The following SAMMSON variants were observed in gnomAD, a reference collection of about 807,000 sequenced individuals.
SAMMSON encodes long intergenic non-protein coding RNA 1212.
intron 9 of SAMMSON, among the ~76,000 whole-genome samples, chr3:70,369,611 CT>C (rs913801367): frequency 2.0e-5 from 3 of 151,048 alleles, no homozygotes; most frequent in African/African-American, 7.3e-5. Context: ...TGTTCCTGAT[CT>C]TAGGGGAAAA....
chr3:70,250,521 T>C (rs981090227), intron 6 of SAMMSON, among the ~76,000 whole-genome samples: 1 of 152,066 alleles, frequency 6.6e-6, no homozygotes, highest in African/African-American at 2.4e-5. Flanking sequence ...AGCTTTTAGA[T>C]AAATATTTTC....
chr3:70,016,828 A>T (rs2066988163), intron 3 of SAMMSON, among the ~76,000 whole-genome samples: 1 of 152,136 alleles, frequency 6.6e-6, no homozygotes, highest in South Asian at 2.1e-4. Context: ...TCCCAGCACC[A>T]TTTATTAAAT....
chr3:70,310,825 T>C (rs528345333), intron 7 of SAMMSON, among the ~76,000 whole-genome samples: 3 of 152,218 alleles, frequency 2.0e-5, no homozygotes, highest in Non-Finnish European at 4.4e-5. Flanking sequence ...TTTTTTTTCT[T>C]TGGAACATGA....
intron 7 of SAMMSON, among the ~76,000 whole-genome samples, chr3:70,348,242 T>G (rs373994746): frequency 6.6e-6 from 1 of 152,080 alleles, no homozygotes; most frequent in African/African-American, 2.4e-5. Context: ...AATGTGAGAT[T>G]TGATCATGCC....
Position 70,267,576 on chromosome 3 carries a change from G to GT in SAMMSON, n.674+17907dup, listed in dbSNP as rs1179669063. Among the ~76,000 whole-genome samples the GT allele has an allele frequency of 5.4e-3, 532 of 98,616 alleles. 7 individuals are homozygous for GT. The highest frequency in any genetic ancestry group is 0.023 in the African/African-American group (517 of 22,944). 64.7% of individuals were successfully genotyped at this position (98,616 alleles called of 152,430 possible). A position where few individuals can be genotyped will look rare whatever the true frequency, so the allele number is the denominator to read the frequency against. On this transcript the variant is annotated intron_variant and non_coding_transcript_variant, in intron 6 of 9. Coordinates refer to ENST00000642114, the Ensembl canonical transcript of SAMMSON. ...CGCCACCATGCCCGGCTAATTTTTT[G>GT]TATTTTTTTTTTTTTTTTTTTAGTA... is the stretch of plus-strand genomic sequence containing the variant.
chr3:70,240,390 G>T (rs548263518), intron 4 of SAMMSON, among the ~76,000 whole-genome samples: 1 of 151,764 alleles, frequency 6.6e-6, no homozygotes, highest in Non-Finnish European at 1.5e-5. Flanking sequence ...GAGCTATGTG[G>T]TTTTTTGTCT....
chr3:70,406,537 G>T (rs888133018), intron 2 of SAMMSON, among the ~76,000 whole-genome samples: 1 of 152,208 alleles, frequency 6.6e-6, no homozygotes, highest in South Asian at 2.1e-4. Flanking sequence ...CCATATATTA[G>T]GAAGCTTATA....
At chr3:70,279,346 A>G (rs553587119) in intron 6 of SAMMSON, among the ~76,000 whole-genome samples, 242 of 152,234 alleles carry the variant, frequency 1.6e-3, no homozygotes, top group African/African-American at 5.6e-3. Flanking sequence ...AAGATTTGAA[A>G]CCAAATCCAT....
chr3:70,379,797 AG>A lies in SAMMSON; in HGVS notation n.914-9775del, dbSNP rs112199138. 1.4e-4 allele frequency among the ~76,000 whole-genome samples: 21 copies of A among 152,218 alleles called. No homozygotes were observed. In the East Asian group the frequency reaches 3.1e-3, roughly 22 times the overall value. On this transcript the variant is annotated intron_variant and non_coding_transcript_variant, in intron 9 of 9. Coordinates refer to ENST00000642114, the Ensembl canonical transcript of SAMMSON. ...AGAAAAAAAGCAAAGTGCAAAAAAA[AG>A]GAAAGCGTGTTATGCATGCTACCTT...
intron 4 of SAMMSON, among the ~76,000 whole-genome samples, chr3:70,089,114 A>G (rs1284094225): frequency 6.6e-6 from 1 of 152,212 alleles, no homozygotes; most frequent in Non-Finnish European, 1.5e-5. Flanking sequence ...TTGAAAAAAC[A>G]AACTGCTTGT....
chr3:70,133,353 T>A (rs12631795), intron 4 of SAMMSON, among the ~76,000 whole-genome samples: 1 of 152,124 alleles, frequency 6.6e-6, no homozygotes, highest in African/African-American at 2.4e-5. Context: ...GCTGAACACA[T>A]GCAGGATGAC....
At chr3:70,242,947 CTT>C (rs1701676242) in intron 4 of SAMMSON, among the ~76,000 whole-genome samples, 1 of 152,080 alleles carries the variant, frequency 6.6e-6, no homozygotes, top group African/African-American at 2.4e-5. Flanking sequence ...CAAAAAAAGA[CTT>C]TAAAAAAATT....
chr3:70,317,292 A>G (rs1384185187), intron 7 of SAMMSON, among the ~76,000 whole-genome samples: 1 of 152,010 alleles, frequency 6.6e-6, no homozygotes, highest in Non-Finnish European at 1.5e-5. Flanking sequence ...TACAAATTGA[A>G]GGTTTGTGTC....
chr3:70,047,103 A>G (rs2067129564), intron 3 of SAMMSON, among the ~76,000 whole-genome samples: 1 of 152,098 alleles, frequency 6.6e-6, no homozygotes, highest in Non-Finnish European at 1.5e-5. Context: ...CTGCTCACAG[A>G]AAGATAAAGA....
At chr3:70,019,153 C>T (rs1299853108) in intron 3 of SAMMSON, among the ~76,000 whole-genome samples, 7 of 152,082 alleles carry the variant, frequency 4.6e-5, no homozygotes, top group East Asian at 1.9e-4. Flanking sequence ...CTTTCTGTCT[C>T]GTTGATGTGT....
chr3:70,197,641 G>C (rs913113525), intron 4 of SAMMSON, among the ~76,000 whole-genome samples: 90 of 152,266 alleles, frequency 5.9e-4, no homozygotes, highest in African/African-American at 1.9e-3. Context: ...GTTATTTTTC[G>C]ACATGGATTC....
At chr3:70,232,968 C>T (rs1256882760) in intron 4 of SAMMSON, among the ~76,000 whole-genome samples, 4 of 152,112 alleles carry the variant, frequency 2.6e-5, no homozygotes, top group Non-Finnish European at 4.4e-5. Context: ...GGAGGCAGAT[C>T]GCTTGAGGCC....
chr3:70,324,192 T>A (rs1575625928), intron 7 of SAMMSON, among the ~76,000 whole-genome samples: 1 of 74,324 alleles, frequency 1.3e-5, no homozygotes, highest in Non-Finnish European at 4.0e-5. Context: ...TCTATCTATC[T>A]ATCTATCATC....
At chr3:70,214,591 T>G (rs1193554850) in intron 4 of SAMMSON, among the ~76,000 whole-genome samples, 1 of 132,622 alleles carries the variant, frequency 7.5e-6, no homozygotes, top group African/African-American at 2.8e-5. Context: ...CTTCAATTTT[T>G]GGGGGCTGAA....
Sources: allele counts gnomAD v4.1 joint callset (sites outside exome capture counted in the v4.1 genomes callset), GRCh38; gene constraint gnomAD v4.1.1; transcripts MANE v1.5; gene names NCBI Gene and HGNC (gene_info 2026-07-23, HGNC 2026-07-21).